EYA4: variants seen among roughly 807,000 people sequenced by gnomAD.
EYA4 encodes EYA transcriptional coactivator and phosphatase 4.
A neutral mutation model predicts 87.9 loss-of-function variants in EYA4; 31 were observed. The ratio of observed to expected loss-of-function variants is 0.35; its 90% CI spans 0.27 to 0.48. The LOEUF is 0.48. Ranked by LOEUF, EYA4 falls within the 20% of genes least tolerant of loss-of-function variation. The pLI is 0.99. For missense variants in EYA4, 678 were observed against 761.4 expected, an observed-to-expected ratio of 0.89 and a Z score of 1.29; for synonymous variants, 263 against 270.6, an observed-to-expected ratio of 0.97 and a Z score of 0.28.
intron 3 of EYA4, among the ~76,000 whole-genome samples, chr6:133,413,307 C>T (rs565030074): frequency 5.2e-4 from 79 of 152,116 alleles, no homozygotes; most frequent in Non-Finnish European, 1.0e-3. Context: ...TCCCACTTCA[C>T]GGATAAATTA....
At chr6:133,418,002 A>G (rs1023093543) in intron 3 of EYA4, among the ~76,000 whole-genome samples, 1 of 152,204 alleles carries the variant, frequency 6.6e-6, no homozygotes, top group Non-Finnish European at 1.5e-5. Flanking sequence ...CAGAAAACAT[A>G]TATCCCACAC....
chr6:133,355,338 C>T lies in EYA4; in HGVS notation c.34-27054C>T, dbSNP rs562286608. Among the ~76,000 whole-genome samples, 123 of 152,070 alleles carry T rather than the reference C, an allele frequency of 8.1e-4. 1 individual carries two copies. Among genetic ancestry groups the T allele is most frequent in the Non-Finnish European group, 8.1e-4 (55 of 68,022 alleles). On this transcript the variant is annotated intron_variant, in intron 2 of 19. Transcript: ENST00000355286. ...CAGCAATCCCATTACTGGATGTATA[C>T]CCAAAGAAATATAAATCATTCTGTT...
chr6:133,299,493 C>T (rs1040020384), intron 2 of EYA4, among the ~76,000 whole-genome samples: 1 of 151,716 alleles, frequency 6.6e-6, no homozygotes, highest in Non-Finnish European at 1.5e-5. Flanking sequence ...GGGTGGATCA[C>T]GAGGTCAGGA....
intron 3 of EYA4, among the ~76,000 whole-genome samples, chr6:133,400,886 G>C (rs1788204912): frequency 6.6e-6 from 1 of 152,130 alleles, no homozygotes; most frequent in Non-Finnish European, 1.5e-5. Context: ...ACAGTGGAGA[G>C]AAAGTTTGAA....
intron 14 of EYA4, among the ~76,000 whole-genome samples, chr6:133,510,960 G>A (rs985347216): frequency 1.3e-4 from 20 of 152,150 alleles, no homozygotes; most frequent in African/African-American, 2.2e-4. Flanking sequence ...ACCAAATGCC[G>A]CACTCCAGGG....
chr6:133,258,731 G>A (rs1775553128), intron 1 of EYA4, among the ~76,000 whole-genome samples: 1 of 151,870 alleles, frequency 6.6e-6, no homozygotes, highest in Admixed American at 6.6e-5. Context: ...TCTTTCCCGG[G>A]GGCTTTTTAG....
intron 3 of EYA4, among the ~76,000 whole-genome samples, chr6:133,389,934 G>C (rs1051920103): frequency 5.9e-5 from 9 of 152,120 alleles, no homozygotes; most frequent in African/African-American, 1.9e-4. Flanking sequence ...AATGAATGCA[G>C]TAGGTCTTCA....
intron 7 of EYA4, 86 bp from the exon 8 acceptor site, chr6:133,462,249 A>G (rs1398958981): frequency 7.3e-7 from 1 of 1,377,240 alleles, no homozygotes; most frequent in Non-Finnish European, 1.0e-6. Context: ...TACTTCCTGG[A>G]TATTATAGGG....
At chr6:133,514,858 T>C (rs1204628429) in intron 16 of EYA4, among the ~76,000 whole-genome samples, 1 of 152,224 alleles carries the variant, frequency 6.6e-6, no homozygotes, top group African/African-American at 2.4e-5. Context: ...GATGCCATTG[T>C]TACTGTTTGA....
At chr6:133,475,610 A>C (rs1443436476) in intron 11 of EYA4, among the ~76,000 whole-genome samples, 2 of 152,126 alleles carry the variant, frequency 1.3e-5, no homozygotes, top group African/African-American at 4.8e-5. Context: ...CATCTAATGG[A>C]AACTAACAAG....
At position 133,530,332 on chromosome 6, in the gene EYA4, G is replaced by T; in HGVS notation, c.*1527G>T. On this transcript the variant is annotated 3_prime_UTR_variant, in exon 20 of 20. Transcript: ENST00000355286. ...AGAAGAGCCCATCATCGTTGTGTTT[G>T]CATGGTTTTTTTCCTTGTGTGTAGC... is the stretch of plus-strand genomic sequence containing the variant. 1 of 985,418 alleles carries T rather than the reference G, an allele frequency of 1.0e-6. No individual in the cohort carries two copies. Among genetic ancestry groups the T allele is most frequent in the South Asian group, 4.7e-5 (1 of 21,284 alleles). 61.0% of individuals were successfully genotyped at this position (985,418 alleles called of 1,614,324 possible).
chr6:133,311,275 TTCTTTATA>T (rs1320895636), intron 2 of EYA4, among the ~76,000 whole-genome samples: 1 of 152,160 alleles, frequency 6.6e-6, no homozygotes, highest in African/African-American at 2.4e-5. Flanking sequence ...GTGGCATCTC[TTCTTTATA>T]CAATGGAAGT....
chr6:133,518,719 A>G (rs901117327), intron 17 of EYA4, among the ~76,000 whole-genome samples: 1 of 152,208 alleles, frequency 6.6e-6, no homozygotes. Context: ...CACCACACCT[A>G]TTCCAAAATT....
At chr6:133,361,257 C>T (rs986600105) in intron 2 of EYA4, among the ~76,000 whole-genome samples, 2 of 152,136 alleles carry the variant, frequency 1.3e-5, no homozygotes, top group Non-Finnish European at 2.9e-5. Flanking sequence ...GCTTACTGTC[C>T]AGAATGATAA....
intron 1 of EYA4, among the ~76,000 whole-genome samples, chr6:133,257,903 A>G (rs1236501924): frequency 1.3e-5 from 2 of 152,310 alleles, no homozygotes; most frequent in African/African-American, 2.4e-5. Context: ...TTATGCACTC[A>G]TTCACTCATT....
intron 13 of EYA4, among the ~76,000 whole-genome samples, chr6:133,495,688 C>A (rs552232960): frequency 3.2e-4 from 49 of 152,112 alleles, no homozygotes; most frequent in African/African-American, 1.1e-3. Context: ...AATGGCCATG[C>A]CTTAGATAGG....
At chr6:133,466,763 T>C (rs532177712) in intron 10 of EYA4, among the ~76,000 whole-genome samples, 2 of 149,364 alleles carry the variant, frequency 1.3e-5, no homozygotes, top group East Asian at 4.1e-4. Context: ...ACTTGGTGTG[T>C]CACTGAACTT....
chr6:133,462,448 C>T lies in EYA4; in HGVS notation c.551C>T (p.Thr184Ile). ...GCCGTCTACACAGCCTACTCACAGA[C>T]AGGACAGCCCTACAGCTTGCCCACT... Reference protein sequence around the residue: ...QPAVYTAYSQTGQPYSLPTYD... With the variant: ...QPAVYTAYSQIGQPYSLPTYD... The change falls in exon 8 of 20, where the codon ACA becomes ATA. Residue 184 changes from threonine to isoleucine, a missense_variant. Thr to Ile is a moderately conservative substitution (Grantham distance 89). Coordinates refer to ENST00000355286, the MANE Select transcript of EYA4 (RefSeq NM_004100.5). The T allele has an allele frequency of 6.2e-7, 1 of 1,614,096 alleles. No homozygotes were observed. Among genetic ancestry groups the T allele is most frequent in the Non-Finnish European group, 8.5e-7 (1 of 1,179,968 alleles).
Position 133,287,326 on chromosome 6 carries a change from CA to C in EYA4, c.33+12514del, listed in dbSNP as rs1382941458. The stretch of plus-strand genomic sequence containing the variant: ...AAGGAATTATAGATAGACTAGGTTA[CA>C]CCTTCAATGGGTCTTGAAAGGCAGA... On this transcript the variant is annotated intron_variant, in intron 2 of 19. Coordinates refer to ENST00000355286, the MANE Select transcript of EYA4 (RefSeq NM_004100.5). Among the ~76,000 whole-genome samples, 9 of 152,294 alleles carry C rather than the reference CA, an allele frequency of 5.9e-5. No individual in the cohort carries two copies. The East Asian group carries it at 1.7e-3, about 29-fold the overall frequency.
Sources: allele counts gnomAD v4.1 joint callset (sites outside exome capture counted in the v4.1 genomes callset), GRCh38; gene constraint gnomAD v4.1.1; transcripts MANE v1.5; gene names NCBI Gene and HGNC (gene_info 2026-07-23, HGNC 2026-07-21).